CACNA2D3: variants seen among roughly 807,000 people sequenced by gnomAD.
CACNA2D3 encodes the protein calcium voltage-gated channel auxiliary subunit alpha2delta 3.
CACNA2D3 carries 60 observed loss-of-function variants against 160.6 expected under a neutral mutation model. That is an observed-to-expected ratio of 0.37 (90% CI 0.30 to 0.46). The LOEUF (loss-of-function observed/expected upper bound fraction) is 0.46. CACNA2D3 is among the 20% of genes least tolerant of loss of function. The probability of loss-of-function intolerance (pLI) is 1.00; values close to 1 mark genes in which losing one functional copy is unlikely to be tolerated. For missense variants in CACNA2D3, 1,205 were observed against 1,365.0 expected (o/e 0.88, Z 1.85); for synonymous variants, 558 against 492.9 (o/e 1.13, Z -1.75).
At chr3:54,733,674 C>T (rs1464710578) in intron 11 of CACNA2D3, among the ~76,000 whole-genome samples, 1 of 152,084 alleles carries the variant, frequency 6.6e-6, no homozygotes, top group Admixed American at 6.6e-5. Context: ...CTTGATTTAA[C>T]TTAGAGAACA....
At chr3:54,469,567 A>G (rs1053522315) in intron 4 of CACNA2D3, among the ~76,000 whole-genome samples, 1 of 152,126 alleles carries the variant, frequency 6.6e-6, no homozygotes, top group Non-Finnish European at 1.5e-5. Flanking sequence ...ACAAAACTGG[A>G]TGGAGAATGA....
chr3:55,071,128 T>G (rs1368056037), intron 35 of CACNA2D3, among the ~76,000 whole-genome samples: 1 of 152,150 alleles, frequency 6.6e-6, no homozygotes, highest in Non-Finnish European at 1.5e-5. Flanking sequence ...TTAATGATAT[T>G]TATTTTACTC....
intron 27 of CACNA2D3, among the ~76,000 whole-genome samples, chr3:54,932,270 G>A (rs1336620312): frequency 6.6e-6 from 1 of 152,106 alleles, no homozygotes; most frequent in Non-Finnish European, 1.5e-5. Context: ...GCAAAATAAA[G>A]CAATTTGAAT....
chr3:54,659,633 A>G (rs769321606), intron 11 of CACNA2D3, among the ~76,000 whole-genome samples: 2 of 152,106 alleles, frequency 1.3e-5, no homozygotes, highest in Non-Finnish European at 2.9e-5. Flanking sequence ...TGAATTTTGA[A>G]TGGTGCTGGA....
At chr3:54,389,133 A>G (rs1194451510) in intron 4 of CACNA2D3, among the ~76,000 whole-genome samples, 1 of 152,080 alleles carries the variant, frequency 6.6e-6, no homozygotes, top group Non-Finnish European at 1.5e-5. Flanking sequence ...TGTCTCTACT[A>G]AAAATACAAA....
intron 6 of CACNA2D3, 31 bp downstream of exon 6, chr3:54,562,962 C>CA: frequency 6.3e-7 from 1 of 1,599,916 alleles, no homozygotes; most frequent in Non-Finnish European, 8.6e-7. Flanking sequence ...AGTTATGACT[C>CA]AGATTAATGA....
chr3:54,766,958 A>G (rs1702236734), intron 13 of CACNA2D3, among the ~76,000 whole-genome samples: 1 of 151,510 alleles, frequency 6.6e-6, no homozygotes, highest in African/African-American at 2.4e-5. Flanking sequence ...AAAAGCAAAA[A>G]CAAGAAACAG....
intron 4 of CACNA2D3, among the ~76,000 whole-genome samples, chr3:54,502,442 A>C (rs1275124860): frequency 6.6e-6 from 1 of 152,096 alleles, no homozygotes; most frequent in African/African-American, 2.4e-5. Context: ...TTTCTGTTAC[A>C]ATGTTTTTGA....
intron 11 of CACNA2D3, among the ~76,000 whole-genome samples, chr3:54,688,915 G>C (rs1433832882): frequency 1.4e-5 from 2 of 145,216 alleles, no homozygotes; most frequent in Admixed American, 1.4e-4. Flanking sequence ...CCAGGAGGTG[G>C]AGGTTGCAGT....
chr3:55,015,241 T>G (rs1703303688), intron 34 of CACNA2D3, among the ~76,000 whole-genome samples: 1 of 152,200 alleles, frequency 6.6e-6, no homozygotes, highest in Non-Finnish European at 1.5e-5. Context: ...CAGTTAAACA[T>G]ATACATGCTG....
chr3:54,218,309 A>G (rs1370596238), intron 2 of CACNA2D3, among the ~76,000 whole-genome samples: 1 of 152,150 alleles, frequency 6.6e-6, no homozygotes, highest in African/African-American at 2.4e-5. Flanking sequence ...TGGCACATGC[A>G]TGGGGCAGCT....
chr3:54,941,304 A>G (rs1701460515), intron 27 of CACNA2D3, among the ~76,000 whole-genome samples: 1 of 152,246 alleles, frequency 6.6e-6, no homozygotes, highest in East Asian at 1.9e-4. Flanking sequence ...GATCATAATC[A>G]GCCCCATAAT....
chr3:54,925,324 C>G, intron 27 of CACNA2D3: 1 of 848,772 alleles, frequency 1.2e-6, no homozygotes, highest in Admixed American at 2.4e-5. Flanking sequence ...CAGGTGAAAC[C>G]TTCTACAACC....
At chr3:54,210,686 C>T (rs1429120352) in intron 2 of CACNA2D3, among the ~76,000 whole-genome samples, 3 of 152,196 alleles carry the variant, frequency 2.0e-5, no homozygotes, top group Admixed American at 2.0e-4. Context: ...TTTACACAAG[C>T]GCCTGGGAGA....
At chr3:54,731,419 G>T (rs1416397274) in intron 11 of CACNA2D3, among the ~76,000 whole-genome samples, 2 of 151,900 alleles carry the variant, frequency 1.3e-5, no homozygotes, top group South Asian at 4.3e-4. Context: ...AAGACTCTAT[G>T]TACCCCAAAA....
At chr3:54,634,416 T>G (rs1451827666) in intron 10 of CACNA2D3, 1 of 152,246 alleles carries the variant, frequency 6.6e-6, no homozygotes, top group Non-Finnish European at 1.5e-5. Context: ...TTCCCCACCC[T>G]TAACATCACC....
chr3:55,059,225 A>T (rs2107218070), intron 35 of CACNA2D3, among the ~76,000 whole-genome samples: 1 of 152,340 alleles, frequency 6.6e-6, no homozygotes, highest in Non-Finnish European at 1.5e-5. Flanking sequence ...TCACATGGAA[A>T]TTGTGAAAGA....
intron 27 of CACNA2D3, among the ~76,000 whole-genome samples, chr3:54,951,343 C>A (rs756079160): frequency 6.6e-6 from 1 of 152,198 alleles, no homozygotes; most frequent in Admixed American, 6.5e-5. Context: ...TCTTTCACAG[C>A]ACTATAGTAA....
At chr3:54,233,777 G>A (rs1217953482) in intron 2 of CACNA2D3, among the ~76,000 whole-genome samples, 1 of 152,168 alleles carries the variant, frequency 6.6e-6, no homozygotes, top group Non-Finnish European at 1.5e-5. Context: ...AGCGTGGAGG[G>A]TTTGAAACTA....
Sources: gnomAD v4.1 joint callset for allele counts (sites outside exome capture counted in the v4.1 genomes callset) on GRCh38, gnomAD v4.1.1 for gene constraint, MANE v1.5 for transcripts, NCBI Gene and HGNC (gene_info 2026-07-23, HGNC 2026-07-21) for gene names.